The following ZNF490 variants were observed in gnomAD, a reference collection of about 807,000 sequenced individuals.
ZNF490 encodes zinc finger protein 490.
Under a neutral mutation model 17.7 loss-of-function variants are expected in ZNF490, and 11 were observed. The ratio of observed to expected loss-of-function variants is 0.62; its 90% CI spans 0.39 to 1.03. ZNF490 has a LOEUF of 1.03. Among genes scored for constraint, ZNF490 ranks in the 50% least tolerant of loss-of-function variants. The pLI is 0.00. For missense variants in ZNF490, 542 were observed against 643.4 expected (o/e 0.84, Z 1.71); for synonymous variants, 222 against 216.1 (o/e 1.03, Z -0.24).
intron 2 of ZNF490, among the ~76,000 whole-genome samples, chr19:12,588,812 C>G (rs8101757): frequency 0.046 from 7,016 of 152,158 alleles, 548 homozygotes; most frequent in African/African-American, 0.16. Context: ...AGCTTGAAAA[C>G]CCACAAATAT....
In ZNF490 at chr19:12,580,501, C is replaced by T; in HGVS notation, c.1574G>A (p.Ser525Asn). 1.2e-6 allele frequency: 2 copies of T among 1,601,352 alleles called. No homozygotes were observed. Among genetic ancestry groups the T allele is most frequent in the South Asian group, 2.2e-5 (2 of 88,994 alleles). Residue 525 changes from serine (S) to asparagine (N), a missense_variant, in exon 5 of 5, where the codon AGT becomes AAT. Physicochemically the swap from Ser to Asn is conservative, Grantham distance 46. Coordinates refer to ENST00000311437, the MANE Select transcript of ZNF490 (RefSeq NM_020714.3). ...TTTACTTTCTTAGGGCTTCTGTCTA[C>T]TATGAGTCCTTTCGTGCACGTGCAA... ...KSLHVHERTH[S>N]RQKP
At chr19:12,581,857 A>G (rs747648972) in intron 4 of ZNF490, 133 bp from the exon 5 acceptor site, 2 of 781,822 alleles carry the variant, frequency 2.6e-6, no homozygotes, top group Non-Finnish European at 3.9e-6. Context: ...ATTGTTTTGA[A>G]AGCTAATATA....
Position 12,580,753 on chromosome 19 carries a change from G to A in ZNF490, c.1322C>T (p.Thr441Ile). 1 of 1,614,170 alleles carries A rather than the reference G, an allele frequency of 6.2e-7. No homozygotes were observed. The highest frequency in any genetic ancestry group is 1.3e-5 in the African/African-American group (1 of 75,040). Residue 441 changes from threonine (T) to isoleucine (I), a missense_variant, in exon 5 of 5, where the codon ACT (threonine) becomes ATT (isoleucine). Coordinates refer to ENST00000311437, the MANE Select transcript of ZNF490 (RefSeq NM_020714.3). ...TTTGCATTCATAGGGTTTCTCTCTA[G>A]TATGGGTTCTTTCATGGATTCGAAA... is the stretch of plus-strand genomic sequence containing the variant. ...THFRIHERTH[T>I]REKPYECKQC... is the part of the protein sequence containing the mutation.
In ZNF490 at chr19:12,602,127, C is replaced by CACACACACACACACACACACAT. The variant is rs35798638; in HGVS notation, c.162+7030_162+7031insATGTGTGTGTGTGTGTGTGTGT. Among the ~76,000 whole-genome samples, 4 of 141,898 alleles carry CACACACACACACACACACACAT rather than the reference C, an allele frequency of 2.8e-5. 1 individual carries two copies. Among genetic ancestry groups the CACACACACACACACACACACAT allele is most frequent in the Non-Finnish European group, 6.1e-5 (4 of 65,328 alleles). The allele number at this position is 141,898 out of a possible 152,430, so 93.1% of individuals were successfully genotyped here. On this transcript the variant is annotated intron_variant, in intron 2 of 4. Coordinates refer to ENST00000311437, the MANE Select transcript of ZNF490 (RefSeq NM_020714.3). ...ACACACACACACACACACACACACA[C>CACACACACACACACACACACAT]ATATATGGGCCTATTTCTGGAATTT...
chr19:12,578,416 T>C lies in ZNF490; in HGVS notation c.*2069A>G, dbSNP rs1354192607. On this transcript the variant is annotated 3_prime_UTR_variant, in exon 5 of 5. Transcript: ENST00000311437. Reference sequence around the variant, plus strand: ...GTGTGGTCAAGGGGTGTGTGTCCCATGATACAGGCTCTGCTTCTTCAGTCT... The same window carrying C: ...GTGTGGTCAAGGGGTGTGTGTCCCACGATACAGGCTCTGCTTCTTCAGTCT... 6.1e-6 allele frequency: 6 copies of C among 985,496 alleles called. No homozygotes were observed. Among genetic ancestry groups the C allele is most frequent in the Non-Finnish European group, 7.2e-6 (6 of 829,988 alleles). The allele number at this position is 985,496 out of a possible 1,614,324, so 61.0% of individuals were successfully genotyped here. A position where few individuals can be genotyped will look rare whatever the true frequency, so the allele number is the denominator to read the frequency against.
chr19:12,601,836 CAA>C (rs376311874), intron 2 of ZNF490, among the ~76,000 whole-genome samples: 5,799 of 150,496 alleles, frequency 0.039, 151 homozygotes, highest in Middle Eastern at 0.076. Context: ...ACTAAAAATA[CAA>C]AAAAAATTAG....
chr19:12,607,118 T>C (rs768719366), intron 2 of ZNF490, among the ~76,000 whole-genome samples: 40 of 152,116 alleles, frequency 2.6e-4, no homozygotes, highest in Non-Finnish European at 5.0e-4. Flanking sequence ...TGTGGGAGGA[T>C]CACTTGAGTC....
At chr19:12,590,868 C>T (rs2022861475) in intron 2 of ZNF490, among the ~76,000 whole-genome samples, 1 of 150,320 alleles carries the variant, frequency 6.7e-6, no homozygotes, top group Non-Finnish European at 1.5e-5. Flanking sequence ...CACTTCAGCC[C>T]AGGAGTTCAA....
At chr19:12,607,507 T>C (rs1179806642) in intron 2 of ZNF490, among the ~76,000 whole-genome samples, 1 of 151,764 alleles carries the variant, frequency 6.6e-6, no homozygotes, top group Non-Finnish European at 1.5e-5. Flanking sequence ...TGACAGAACA[T>C]AATAGTAATA....
At chr19:12,583,643 A>G in intron 2 of ZNF490, 87 bp from the exon 3 acceptor site, 1 of 1,403,642 alleles carries the variant, frequency 7.1e-7, no homozygotes, top group Non-Finnish European at 9.5e-7. Context: ...GAAATTCCAT[A>G]TAATCCTGTA....
chr19:12,602,133 T>C (rs2023016030), intron 2 of ZNF490, among the ~76,000 whole-genome samples: 1 of 100,806 alleles, frequency 9.9e-6, no homozygotes, highest in South Asian at 3.2e-4. Context: ...CACACATATA[T>C]GGGCCTATTT....
rs747245625 is a variant in ZNF490 at position 12,609,162 on chromosome 19, T to C, written c.158A>G (p.Gln53Arg). Residue 53 changes from glutamine to arginine, a missense_variant, in exon 2 of 5, where the codon CAA (glutamine) becomes CGA (arginine). Transcript: ENST00000311437. Reference protein sequence around the residue: ...SEHHGQSIKTQTDSISLEDVA... With the variant: ...SEHHGQSIKTRTDSISLEDVA... ...ACAGGTAGCGATCTCACTTACAGTT[T>C]GAGTCTTGATGCTTTGTCCATGGTG... The C allele has an allele frequency of 3.7e-6, 6 of 1,613,894 alleles. No homozygotes were observed. Among genetic ancestry groups the C allele is most frequent in the Non-Finnish European group, 2.5e-6 (3 of 1,179,930 alleles).
At chr19:12,599,139 C>CAAAAAAAAAAAAAAAAAAAAAAA (rs55911311) in intron 2 of ZNF490, among the ~76,000 whole-genome samples, 92 of 68,586 alleles carry the variant, frequency 1.3e-3, no homozygotes, top group East Asian at 3.4e-3. Flanking sequence ...GACTCTGTCT[C>CAAAAAAAAAAAAAAAAAAAAAAA]AAAAAAAAAA....
intron 2 of ZNF490, among the ~76,000 whole-genome samples, chr19:12,591,587 C>T (rs2022872175): frequency 6.6e-6 from 1 of 151,986 alleles, no homozygotes; most frequent in African/African-American, 2.4e-5. Context: ...ACATACACAT[C>T]ACCAGAGAAG....
At position 12,580,107 on chromosome 19, in the gene ZNF490, CAACAAA is replaced by C; in HGVS notation, c.*372_*377del. On this transcript the variant is annotated 3_prime_UTR_variant, in exon 5 of 5. Coordinates refer to ENST00000311437, the MANE Select transcript of ZNF490 (RefSeq NM_020714.3). ...GGGCAACAAGAGCAAAATTACATCT[CAACAAA>C]AACAAAAACAAAAAACAAACCCCAC... The C allele has an allele frequency of 3.0e-6, 3 of 997,096 alleles. No individual in the cohort carries two copies. Among genetic ancestry groups the C allele is most frequent in the East Asian group, 1.0e-4 (1 of 9,566 alleles). 61.8% of individuals were successfully genotyped at this position (997,096 alleles called of 1,614,324 possible).
Position 12,581,147 on chromosome 19 carries a change from G to T in ZNF490, c.928C>A (p.Gln310Lys), listed in dbSNP as rs1401438348. The T allele has an allele frequency of 6.2e-7, 1 of 1,613,996 alleles. No homozygotes were observed. Among genetic ancestry groups the T allele is most frequent in the Non-Finnish European group, 8.5e-7 (1 of 1,180,014 alleles). ...HTGEKPYECK[Q>K]CGKAFSCPTY... ...GGACAACTGAAGGCTTTCCCACATT[G>T]CTTACATTCATAAGGTTTCTCTCCA... Residue 310 changes from glutamine to lysine, a missense_variant, in exon 5 of 5, where the codon CAA becomes AAA. Transcript: ENST00000311437.
chr19:12,608,382 C>T (rs1427336104), intron 2 of ZNF490, among the ~76,000 whole-genome samples: 3 of 152,124 alleles, frequency 2.0e-5, no homozygotes, highest in African/African-American at 7.2e-5. Context: ...TTGAAGCCAT[C>T]CTCCCGTCTC....
Position 12,610,795 on chromosome 19 carries a change from G to T in ZNF490, c.-115C>A. ...GGAGGGCACCAGTTCCGTCCCACCG[G>T]CGGAAGCGAGATCTGCCTAGCTACT... On this transcript the variant is annotated 5_prime_UTR_variant, in exon 1 of 5. Transcript: ENST00000311437. 1 of 1,090,640 alleles carries T rather than the reference G, an allele frequency of 9.2e-7. No individual in the cohort carries two copies. The highest frequency in any genetic ancestry group is 1.4e-6 in the Non-Finnish European group (1 of 725,998). 67.6% of individuals were successfully genotyped at this position (1,090,640 alleles called of 1,614,324 possible). A position where few individuals can be genotyped will look rare whatever the true frequency, so the allele number is the denominator to read the frequency against.
rs974674216 is a variant in ZNF490 at position 12,577,157 on chromosome 19, C to A, written c.*3328G>T. On this transcript the variant is annotated 3_prime_UTR_variant, in exon 5 of 5. Transcript: ENST00000311437. ...TATTAGCACAGCTTTGTTGACTACA[C>A]CTATTAGAGGGAGTTACACAGAGGA... is the stretch of plus-strand genomic sequence containing the variant. 2.0e-5 allele frequency among the ~76,000 whole-genome samples: 3 copies of A among 152,076 alleles called. No homozygotes were observed. The highest frequency in any genetic ancestry group is 2.9e-5 in the Non-Finnish European group (2 of 68,024).
Sources: allele counts gnomAD v4.1 joint callset (sites outside exome capture counted in the v4.1 genomes callset), GRCh38; gene constraint gnomAD v4.1.1; transcripts MANE v1.5; gene names NCBI Gene and HGNC (gene_info 2026-07-23, HGNC 2026-07-21).